PTH2R: variants seen among roughly 807,000 people sequenced by gnomAD.
PTH2R encodes the protein parathyroid hormone 2 receptor.
In PTH2R, 59 loss-of-function variants were observed where a neutral mutation model predicts 60.3. That is an observed-to-expected ratio of 0.98 (90% confidence interval 0.79 to 1.22). PTH2R has a LOEUF of 1.22. PTH2R is among the 50% of genes most tolerant of loss of function. PTH2R has a pLI of 0.00. For synonymous variants in PTH2R, 256 were observed against 243.8 expected, an observed-to-expected ratio of 1.05 and a Z score of -0.47; for missense variants, 749 against 682.6, an observed-to-expected ratio of 1.10 and a Z score of -1.08.
chr2:208,461,046 A>C (rs1235758859), intron 9 of PTH2R, among the ~76,000 whole-genome samples: 1 of 152,148 alleles, frequency 6.6e-6, no homozygotes, highest in Non-Finnish European at 1.5e-5. Context: ...AGGAGAGATC[A>C]AAAGGAATCT....
intron 1 of PTH2R, among the ~76,000 whole-genome samples, chr2:208,420,169 A>T (rs1297186684): frequency 1.3e-5 from 2 of 152,104 alleles, no homozygotes; most frequent in Admixed American, 6.6e-5. Flanking sequence ...TAGCATTAGG[A>T]GATATACTTA....
chr2:208,435,629 A>T (rs767171260), intron 2 of PTH2R, among the ~76,000 whole-genome samples: 2 of 152,202 alleles, frequency 1.3e-5, no homozygotes, highest in Non-Finnish European at 2.9e-5. Context: ...GACAGCTGTC[A>T]GCAAAGAAAT....
intron 1 of PTH2R, among the ~76,000 whole-genome samples, chr2:208,375,336 G>A (rs78482094): frequency 0.01 from 1,570 of 152,168 alleles, 35 homozygotes; most frequent in African/African-American, 0.036. Flanking sequence ...GGAACAGGCT[G>A]TATTGCTCAG....
At chr2:208,471,026 G>A (rs1273719224) in intron 9 of PTH2R, among the ~76,000 whole-genome samples, 1 of 152,146 alleles carries the variant, frequency 6.6e-6, no homozygotes, top group East Asian at 1.9e-4. Context: ...GAGATTTTTG[G>A]AACTTTGAAT....
At chr2:208,446,095 G>A (rs1051655735) in intron 7 of PTH2R, among the ~76,000 whole-genome samples, 4 of 152,140 alleles carry the variant, frequency 2.6e-5, no homozygotes, top group African/African-American at 9.7e-5. Context: ...AATAATGAAT[G>A]TAGACATTTG....
rs893762360 is a variant in PTH2R at position 208,443,433 on chromosome 2, A to T, written c.595A>T (p.Arg199Ter). 2 of 1,613,646 alleles carry T rather than the reference A, an allele frequency of 1.2e-6. No individual in the cohort carries two copies. ...LRATSIFVKD[R>*]VVHAHIGVKE... ...AGCTACAAGCATCTTTGTCAAAGAC[A>T]GAGTAGTCCATGCTCACATAGGAGT... Residue 199 changes from arginine to a stop codon, truncating the protein, a stop_gained, in exon 6 of 13, where the codon AGA becomes TGA. Transcript: ENST00000272847. LOFTEE classifies it high-confidence loss of function.
chr2:208,431,569 T>C (rs1386016356), intron 2 of PTH2R, among the ~76,000 whole-genome samples: 1 of 152,240 alleles, frequency 6.6e-6, no homozygotes, highest in Non-Finnish European at 1.5e-5. Flanking sequence ...AGGCTTGTGG[T>C]TAGAAATGTT....
intron 1 of PTH2R, among the ~76,000 whole-genome samples, chr2:208,412,557 G>C (rs1701560955): frequency 6.6e-6 from 1 of 152,342 alleles, no homozygotes; most frequent in East Asian, 1.9e-4. Flanking sequence ...CCATCACTGA[G>C]TAGAGCTGCC....
intron 6 of PTH2R, 70 bp downstream of exon 6, chr2:208,443,607 C>A (rs1427563894): frequency 3.1e-6 from 4 of 1,293,768 alleles, no homozygotes; most frequent in Non-Finnish European, 3.1e-6. Context: ...ATTTTACAGT[C>A]CACTAAACAT....
intron 9 of PTH2R, among the ~76,000 whole-genome samples, chr2:208,460,859 A>G (rs983327242): frequency 6.6e-6 from 1 of 152,178 alleles, no homozygotes; most frequent in African/African-American, 2.4e-5. Context: ...TTGATTATTA[A>G]CTAATTTTGA....
intron 8 of PTH2R, among the ~76,000 whole-genome samples, chr2:208,454,831 T>C (rs1702478287): frequency 6.6e-6 from 1 of 152,150 alleles, no homozygotes; most frequent in Admixed American, 6.5e-5. Context: ...TTTAAGCCAA[T>C]ATATTGTTTT....
chr2:208,362,936 G>C (rs145346645), intron 1 of PTH2R, among the ~76,000 whole-genome samples: 146 of 152,068 alleles, frequency 9.6e-4, no homozygotes, highest in African/African-American at 3.4e-3. Context: ...GATAATTGCT[G>C]GTGTTGAGCA....
At chr2:208,449,479 A>ATAGATAG in intron 7 of PTH2R, among the ~76,000 whole-genome samples, 2 of 152,080 alleles carry the variant, frequency 1.3e-5, no homozygotes, top group South Asian at 2.1e-4. Context: ...AGATAGATAG[A>ATAGATAG]ATATGCAAAC....
upstream of PTH2R, among the ~76,000 whole-genome samples, chr2:208,402,688 G>T (rs1701332238): frequency 6.6e-6 from 1 of 152,142 alleles, no homozygotes. Context: ...GCCTTCGTGT[G>T]CTGAAAGACT....
At chr2:208,365,953 T>C (rs1559198801) in intron 1 of PTH2R, among the ~76,000 whole-genome samples, 1 of 21,218 alleles carries the variant, frequency 4.7e-5, no homozygotes, top group Non-Finnish European at 9.2e-5. Flanking sequence ...TATATATATA[T>C]ATATATATTT....
chr2:208,470,822 G>A (rs571343404), intron 9 of PTH2R, among the ~76,000 whole-genome samples: 1 of 152,276 alleles, frequency 6.6e-6, no homozygotes, highest in Non-Finnish European at 1.5e-5. Context: ...TCACAGACAG[G>A]AAAATGTGGG....
intron 10 of PTH2R, among the ~76,000 whole-genome samples, chr2:208,482,974 T>C (rs796362783): frequency 2.6e-5 from 4 of 152,376 alleles, no homozygotes; most frequent in African/African-American, 9.6e-5. Context: ...TGGCTCATTC[T>C]GGCAGTCCAA....
chr2:208,393,046 G>C (rs1004295036), intron 1 of PTH2R, among the ~76,000 whole-genome samples: 1 of 152,194 alleles, frequency 6.6e-6, no homozygotes, highest in African/African-American at 2.4e-5. Flanking sequence ...ATAACACCTA[G>C]TGGATGCACC....
At chr2:208,379,458 A>C (rs1329802434) in intron 1 of PTH2R, among the ~76,000 whole-genome samples, 1 of 152,124 alleles carries the variant, frequency 6.6e-6, no homozygotes, top group Non-Finnish European at 1.5e-5. Flanking sequence ...TAAAAATGGA[A>C]CTGTCTTTTG....
Sources: allele counts gnomAD v4.1 joint callset (sites outside exome capture counted in the v4.1 genomes callset), GRCh38; gene constraint gnomAD v4.1.1; transcripts MANE v1.5; gene names NCBI Gene and HGNC (gene_info 2026-07-23, HGNC 2026-07-21).